The following FRYL variants were observed in gnomAD, a reference collection of about 807,000 sequenced individuals.
FRYL encodes the protein protein furry homolog-like.
A neutral mutation model predicts 351.2 loss-of-function variants in FRYL; 150 were observed. The ratio of observed to expected loss-of-function variants is 0.43; its 90% CI spans 0.37 to 0.49. The LOEUF (loss-of-function observed/expected upper bound fraction) is 0.49, where lower values mean the gene tolerates loss of function less well. FRYL is among the 20% of genes least tolerant of loss of function. FRYL has a pLI of 0.00. For synonymous variants in FRYL, 1,153 were observed against 1,257.1 expected, an observed-to-expected ratio of 0.92 and a Z score of 1.75; for missense variants, 3,036 against 3,619.3, an observed-to-expected ratio of 0.84 and a Z score of 4.13.
intron 57 of FRYL, 72 bp from the exon 58 acceptor site, chr4:48,511,056 C>A: frequency 1.1e-6 from 1 of 907,006 alleles, no homozygotes; most frequent in South Asian, 1.6e-5. Flanking sequence ...AGTAAAGAAG[C>A]ATAATAGGGT....
At chr4:48,514,202 T>C (rs1723059025) in intron 56 of FRYL, among the ~76,000 whole-genome samples, 1 of 152,132 alleles carries the variant, frequency 6.6e-6, no homozygotes, top group African/African-American at 2.4e-5. Context: ...AAATATTAAT[T>C]TTATATAAAA....
chr4:48,716,342 C>T (rs1334136078), intron 1 of FRYL, among the ~76,000 whole-genome samples: 12 of 151,192 alleles, frequency 7.9e-5, no homozygotes, highest in East Asian at 3.9e-4. Context: ...ACAGGCAACC[C>T]ACAAAATGGG....
At chr4:48,650,564 T>A (rs1486652913) in intron 3 of FRYL, among the ~76,000 whole-genome samples, 1 of 151,862 alleles carries the variant, frequency 6.6e-6, no homozygotes, top group Non-Finnish European at 1.5e-5. Flanking sequence ...GGCAGAGAGA[T>A]GAGAGGGTAC....
chr4:48,540,147 G>A, intron 46 of FRYL, 79 bp from the exon 47 acceptor site: 1 of 1,236,724 alleles, frequency 8.1e-7, no homozygotes, highest in Non-Finnish European at 1.1e-6. Context: ...TTTTTAGATG[G>A]TTCACAGAAA....
At chr4:48,636,663 A>G (rs973632026) in intron 3 of FRYL, among the ~76,000 whole-genome samples, 4 of 152,030 alleles carry the variant, frequency 2.6e-5, no homozygotes, top group African/African-American at 9.6e-5. Context: ...CAAAAGTTTT[A>G]GGCAAACCTT....
chr4:48,729,102 CG>C (rs2149622726), intron 1 of FRYL, among the ~76,000 whole-genome samples: 1 of 152,368 alleles, frequency 6.6e-6, no homozygotes, highest in South Asian at 2.1e-4. Flanking sequence ...CCCATGCCCA[CG>C]GAGCCTTGCT....
At chr4:48,770,098 C>T (rs2109409820) in intron 1 of FRYL, among the ~76,000 whole-genome samples, 1 of 152,214 alleles carries the variant, frequency 6.6e-6, no homozygotes, top group South Asian at 2.1e-4. Context: ...CAAATGAGCA[C>T]ATTAAAGAAC....
chr4:48,527,534 T>C lies in FRYL; in HGVS notation c.7260A>G (p.Gln2420=). Reference sequence around the variant, plus strand: ...CAAAATCCTTAAAAACACCAAACTGTTGTTCACTGCTATTATCTTCCACAG... The same window carrying C: ...CAAAATCCTTAAAAACACCAAACTGCTGTTCACTGCTATTATCTTCCACAG... The part of the protein sequence containing the change: ...EVAVEDNSSE[Q]QFGVFKDFDF... Residue 2420 remains glutamine, a synonymous_variant, in exon 53 of 64, where the codon CAA becomes CAG. Transcript: ENST00000358350. The C allele has an allele frequency of 6.2e-7, 1 of 1,613,160 alleles. No individual in the cohort carries two copies. The highest frequency in any genetic ancestry group is 8.5e-7 in the Non-Finnish European group (1 of 1,179,354).
intron 1 of FRYL, among the ~76,000 whole-genome samples, chr4:48,730,735 TA>T (rs1770631196): frequency 6.6e-6 from 1 of 151,838 alleles, no homozygotes. Flanking sequence ...AAGGAATCAC[TA>T]AACACTAAAT....
chr4:48,521,305 G>A lies in FRYL; in HGVS notation c.7522-90C>T, dbSNP rs184002529. On this transcript the variant is annotated intron_variant, in intron 54 of 63. Transcript: ENST00000358350. ...TATCATAAAATATTTTAGGGGCTTC[G>A]TTATAAAGAGCTTCTGAGATTTCCT... 141 of 871,482 alleles carry A rather than the reference G, an allele frequency of 1.6e-4. No individual in the cohort carries two copies. In the African/African-American group the frequency reaches 2.1e-3, roughly 13 times the overall value. 54.0% of individuals were successfully genotyped at this position (871,482 alleles called of 1,614,324 possible). A position where few individuals can be genotyped will look rare whatever the true frequency, so the allele number is the denominator to read the frequency against.
chr4:48,575,471 C>T (rs1739401505), intron 24 of FRYL, among the ~76,000 whole-genome samples: 1 of 152,154 alleles, frequency 6.6e-6, no homozygotes, highest in African/African-American at 2.4e-5. Flanking sequence ...TTCTTACAGA[C>T]ACTCATGATC....
intron 3 of FRYL, among the ~76,000 whole-genome samples, chr4:48,680,669 G>A (rs1764469184): frequency 6.6e-6 from 1 of 151,760 alleles, no homozygotes; most frequent in Admixed American, 6.6e-5. Context: ...TGTCAATAAC[G>A]CTTCAAAATA....
chr4:48,558,147 G>A (rs1055554520), intron 33 of FRYL, among the ~76,000 whole-genome samples: 3 of 152,202 alleles, frequency 2.0e-5, no homozygotes, highest in African/African-American at 7.2e-5. Flanking sequence ...CAATAGCCAA[G>A]AGGTAGGTGG....
chr4:48,741,126 G>A (rs1359765001), intron 1 of FRYL, among the ~76,000 whole-genome samples: 1 of 152,140 alleles, frequency 6.6e-6, no homozygotes, highest in Non-Finnish European at 1.5e-5. Flanking sequence ...AAGCCATGGA[G>A]GCCGGGTGTG....
At chr4:48,642,219 C>T (rs114111895) in intron 3 of FRYL, among the ~76,000 whole-genome samples, 2,454 of 152,142 alleles carry the variant, frequency 0.016, 23 homozygotes, top group Non-Finnish European at 0.022. Context: ...TATGTATTCA[C>T]CATCTTCAGC....
intron 3 of FRYL, among the ~76,000 whole-genome samples, chr4:48,680,654 C>T (rs1764467827): frequency 6.6e-6 from 1 of 152,044 alleles, no homozygotes; most frequent in Non-Finnish European, 1.5e-5. Flanking sequence ...GTGTAACTAA[C>T]ATACTGTCAA....
At chr4:48,745,076 A>G (rs1285519469) in intron 1 of FRYL, among the ~76,000 whole-genome samples, 1 of 152,212 alleles carries the variant, frequency 6.6e-6, no homozygotes, top group Non-Finnish European at 1.5e-5. Context: ...TTGGATAGAT[A>G]GTCCAAGAGG....
intron 1 of FRYL, among the ~76,000 whole-genome samples, chr4:48,747,170 C>CT (rs1553880418): frequency 6.7e-6 from 1 of 149,734 alleles, no homozygotes; most frequent in Non-Finnish European, 1.5e-5. Context: ...TATCCCCCCC[C>CT]AAAAAAAGAT....
At chr4:48,752,645 C>G (rs1324888130) in intron 1 of FRYL, among the ~76,000 whole-genome samples, 1 of 152,062 alleles carries the variant, frequency 6.6e-6, no homozygotes, top group Admixed American at 6.5e-5. Flanking sequence ...GATAAAAACT[C>G]TAGATATACA....
Sources: allele counts gnomAD v4.1 joint callset (sites outside exome capture counted in the v4.1 genomes callset), GRCh38; gene constraint gnomAD v4.1.1; transcripts MANE v1.5; gene names NCBI Gene and HGNC (gene_info 2026-07-23, HGNC 2026-07-21).